Variants in SLC2A9 observed in about 807,000 individuals in gnomAD.
SLC2A9 encodes the protein solute carrier family 2, facilitated glucose transporter member 9.
A neutral mutation model predicts 50.6 loss-of-function variants in SLC2A9; 39 were observed. The observed-to-expected ratio is 0.77, with a 90% CI of 0.60 to 1.01. The LOEUF is 1.01. SLC2A9 is among the 50% of genes least tolerant of loss of function. The pLI, the probability that SLC2A9 is intolerant of heterozygous loss-of-function variation, is 0.00. For synonymous variants in SLC2A9, 324 were observed against 276.9 expected (o/e 1.17, Z -1.69); for missense variants, 686 against 677.6 (o/e 1.01, Z -0.14).
At chr4:9,945,412 T>C (rs1175738426) in intron 5 of SLC2A9, among the ~76,000 whole-genome samples, 1 of 152,048 alleles carries the variant, frequency 6.6e-6, no homozygotes, top group Non-Finnish European at 1.5e-5. Context: ...AAAGAGTGGC[T>C]TTTATTACTA....
chr4:9,877,039 T>C (rs1734412521), intron 10 of SLC2A9, among the ~76,000 whole-genome samples: 1 of 152,196 alleles, frequency 6.6e-6, no homozygotes, highest in Non-Finnish European at 1.5e-5. Context: ...ATTCCTTCTA[T>C]GCAATACTTT....
chr4:9,814,736 C>A (rs1234574693), intron 3 of SLC2A9, among the ~76,000 whole-genome samples: 1 of 152,024 alleles, frequency 6.6e-6, no homozygotes, highest in Admixed American at 6.6e-5. Context: ...CATCAGCATT[C>A]TGAGAGAAAG....
At chr4:10,040,011 T>C (rs992637850) in intron 1 of SLC2A9, 1 of 152,576 alleles carries the variant, frequency 6.6e-6, no homozygotes, top group Admixed American at 6.5e-5. Context: ...GCTCCCAGCA[T>C]AGAGAGCTCC....
chr4:9,803,875 G>A (rs974346410), intron 3 of SLC2A9, among the ~76,000 whole-genome samples: 1 of 152,190 alleles, frequency 6.6e-6, no homozygotes, highest in African/African-American at 2.4e-5. Context: ...TAGGGGATAT[G>A]TTAGATCCTC....
At chr4:9,885,218 T>C (rs1191383606) in intron 10 of SLC2A9, among the ~76,000 whole-genome samples, 2 of 152,208 alleles carry the variant, frequency 1.3e-5, no homozygotes, top group Admixed American at 6.5e-5. Context: ...AATATGGTTC[T>C]ATTTTATCTT....
At chr4:9,870,457 T>C (rs1261591269) in intron 10 of SLC2A9, among the ~76,000 whole-genome samples, 2 of 152,198 alleles carry the variant, frequency 1.3e-5, no homozygotes, top group Non-Finnish European at 2.9e-5. Flanking sequence ...TGAGGTTTTC[T>C]ACATTTCTGT....
chr4:9,893,480 A>C (rs1737918985), intron 8 of SLC2A9, among the ~76,000 whole-genome samples: 1 of 151,304 alleles, frequency 6.6e-6, no homozygotes, highest in East Asian at 2.0e-4. Context: ...GAGGGAAGTC[A>C]GGCCCAGTGA....
At chr4:9,964,064 G>A (rs939404698) in intron 5 of SLC2A9, among the ~76,000 whole-genome samples, 1 of 152,206 alleles carries the variant, frequency 6.6e-6, no homozygotes, top group Non-Finnish European at 1.5e-5. Context: ...TCTAAACCCT[G>A]CAGAGGGAAA....
intron 6 of SLC2A9, among the ~76,000 whole-genome samples, chr4:9,932,671 G>A (rs994517516): frequency 3.3e-5 from 5 of 152,216 alleles, no homozygotes; most frequent in African/African-American, 1.2e-4. Flanking sequence ...CCAGTGCACA[G>A]GTGCTGAGAT....
At chr4:9,844,144 T>C (rs1419575383) in intron 10 of SLC2A9, among the ~76,000 whole-genome samples, 4 of 102,780 alleles carry the variant, frequency 3.9e-5, no homozygotes, top group Non-Finnish European at 5.5e-5. Context: ...AAGAGCCAGA[T>C]TTAGTAAAAA....
At chr4:9,949,738 C>G (rs1003366971) in intron 5 of SLC2A9, among the ~76,000 whole-genome samples, 4 of 152,212 alleles carry the variant, frequency 2.6e-5, no homozygotes, top group Non-Finnish European at 5.9e-5. Flanking sequence ...CAGGCTGAAC[C>G]TGTCACACTC....
intron 5 of SLC2A9, among the ~76,000 whole-genome samples, chr4:9,977,033 C>A (rs1754916972): frequency 6.6e-6 from 1 of 152,136 alleles, no homozygotes; most frequent in Non-Finnish European, 1.5e-5. Context: ...ACCTCATCTG[C>A]CTCTCTCCAT....
chr4:9,848,892 C>T (rs774933186), intron 10 of SLC2A9, among the ~76,000 whole-genome samples: 14 of 152,144 alleles, frequency 9.2e-5, no homozygotes, highest in African/African-American at 2.4e-4. Context: ...TTAGTAAAGC[C>T]GGGGTTTCTG....
intron 8 of SLC2A9, among the ~76,000 whole-genome samples, chr4:9,902,009 T>G (rs934175446): frequency 2.0e-5 from 3 of 152,210 alleles, no homozygotes; most frequent in African/African-American, 7.2e-5. Flanking sequence ...TGCCCTCGGC[T>G]GCCCTGAATT....
chr4:9,971,356 T>C (rs1490317019), intron 5 of SLC2A9, among the ~76,000 whole-genome samples: 1 of 152,246 alleles, frequency 6.6e-6, no homozygotes, highest in Non-Finnish European at 1.5e-5. Flanking sequence ...TTAAACCTTG[T>C]ACCTATTACT....
downstream of SLC2A9, among the ~76,000 whole-genome samples, chr4:9,778,582 T>G (rs1176857233): frequency 1.3e-5 from 2 of 152,102 alleles, no homozygotes; most frequent in Non-Finnish European, 2.9e-5. Context: ...TCTCCCCACT[T>G]CTCTGCTCTT....
chr4:9,919,530 C>T (rs920267095), intron 7 of SLC2A9, among the ~76,000 whole-genome samples: 2 of 150,034 alleles, frequency 1.3e-5, no homozygotes, highest in African/African-American at 4.9e-5. Context: ...TGGTCTCACG[C>T]TTATTTAGTA....
At chr4:9,964,210 T>TTTCAGAATCTTGG (rs1752718889) in intron 5 of SLC2A9, among the ~76,000 whole-genome samples, 1 of 151,022 alleles carries the variant, frequency 6.6e-6, no homozygotes, top group Admixed American at 6.6e-5. Flanking sequence ...GTCGTGTAGG[T>TTTCAGAATCTTGG]TTCAGAATCT....
chr4:9,883,469 T>A (rs146764674), intron 10 of SLC2A9, among the ~76,000 whole-genome samples: 2 of 152,332 alleles, frequency 1.3e-5, no homozygotes, highest in East Asian at 1.9e-4. Flanking sequence ...AGTTTCTTCA[T>A]TTGTAGATGA....
Sources: gnomAD v4.1 joint callset for allele counts (sites outside exome capture counted in the v4.1 genomes callset) on GRCh38, gnomAD v4.1.1 for gene constraint, MANE v1.5 for transcripts, NCBI Gene and HGNC (gene_info 2026-07-23, HGNC 2026-07-21) for gene names.